Variants in TNFSF4 observed in about 807,000 individuals in gnomAD.
The protein encoded by TNFSF4 is TNF superfamily member 4, also known as tumor necrosis factor ligand superfamily member 4.
TNFSF4 carries 4 observed loss-of-function variants against 7.3 expected under a neutral mutation model. That is an observed-to-expected ratio of 0.55 (90% confidence interval 0.27 to 1.25). The LOEUF (loss-of-function observed/expected upper bound fraction) is 1.25. Among genes scored for constraint, TNFSF4 ranks in the 50% most tolerant of loss-of-function variants. The pLI is 0.12. For missense variants in TNFSF4, 181 were observed against 208.8 expected, an observed-to-expected ratio of 0.87 and a Z score of 0.82; for synonymous variants, 76 against 83.7, an observed-to-expected ratio of 0.91 and a Z score of 0.50.
At chr1:173,431,991 T>G in the TNFSF4 span, among the ~76,000 whole-genome samples, 1 of 152,184 alleles carries the variant, frequency 6.6e-6, no homozygotes, top group African/African-American at 2.4e-5. Flanking sequence ...AGCAATGCCC[T>G]GAGAGGACCT....
the TNFSF4 span, chr1:173,351,917 CA>C: frequency 1.8e-6 from 1 of 542,288 alleles, no homozygotes. Context: ...ACAAAGACCG[CA>C]AAAAGATCCC....
At chr1:173,254,535 G>T in the TNFSF4 span, among the ~76,000 whole-genome samples, 1 of 152,116 alleles carries the variant, frequency 6.6e-6, no homozygotes, top group Non-Finnish European at 1.5e-5. Flanking sequence ...TCACTATGTG[G>T]CGTTTAGCAA....
At chr1:173,406,547 T>G in the TNFSF4 span, among the ~76,000 whole-genome samples, 2 of 152,200 alleles carry the variant, frequency 1.3e-5, no homozygotes, top group Non-Finnish European at 2.9e-5. Flanking sequence ...AAATTAAAAT[T>G]TTTATTTTAC....
At chr1:173,200,300 T>C (rs947925784) in intron 1 of TNFSF4, among the ~76,000 whole-genome samples, 2 of 152,176 alleles carry the variant, frequency 1.3e-5, no homozygotes, top group East Asian at 1.9e-4. Context: ...ATTTCCTCAG[T>C]GTAAAACTGC....
chr1:173,262,825 C>CGA, the TNFSF4 span, among the ~76,000 whole-genome samples: 2 of 152,136 alleles, frequency 1.3e-5, no homozygotes, highest in African/African-American at 4.8e-5. Flanking sequence ...TAGTTTCAAT[C>CGA]TCCTGACCTC....
chr1:173,394,670 C>T, the TNFSF4 span, among the ~76,000 whole-genome samples: 1 of 152,132 alleles, frequency 6.6e-6, no homozygotes, highest in Non-Finnish European at 1.5e-5. Context: ...TGAGCTAGAA[C>T]ATCCGTTTTC....
At chr1:173,269,305 T>G in the TNFSF4 span, among the ~76,000 whole-genome samples, 2 of 152,134 alleles carry the variant, frequency 1.3e-5, no homozygotes, top group Non-Finnish European at 2.9e-5. Context: ...AGATAAACCC[T>G]ATGTATACAA....
intron 1 of TNFSF4, among the ~76,000 whole-genome samples, chr1:173,189,491 TA>T (rs1649382272): frequency 6.6e-6 from 1 of 152,206 alleles, no homozygotes. Flanking sequence ...TCAACAGCTT[TA>T]AAAACCTAAC....
the TNFSF4 span, among the ~76,000 whole-genome samples, chr1:173,274,633 A>G: frequency 6.6e-6 from 1 of 152,206 alleles, no homozygotes; most frequent in African/African-American, 2.4e-5. Flanking sequence ...ACCTAACCAC[A>G]TGAGCCCTTT....
rs1022471857 is a variant in TNFSF4 at position 173,185,841 on chromosome 1, T to C, written c.*675A>G. 2.6e-5 allele frequency: 4 copies of C among 152,186 alleles called. No homozygotes were observed. The highest frequency in any genetic ancestry group is 4.4e-5 in the Non-Finnish European group (3 of 68,060). The allele number at this position is 152,186 out of a possible 1,614,324, so 9.4% of individuals were successfully genotyped here. A position where few individuals can be genotyped will look rare whatever the true frequency, so the allele number is the denominator to read the frequency against. On this transcript the variant is annotated 3_prime_UTR_variant, in exon 3 of 3. Coordinates refer to ENST00000281834, the MANE Select transcript of TNFSF4 (RefSeq NM_003326.5). ...CCAGACAGTTCTTTGAAGGGAAATT[T>C]CTATTAACTATGTTTGGAGGCTGGG...
the TNFSF4 span, among the ~76,000 whole-genome samples, chr1:173,300,126 GATA>G: frequency 6.8e-6 from 1 of 146,970 alleles, no homozygotes; most frequent in Admixed American, 6.9e-5. Flanking sequence ...TAGATAGATA[GATA>G]GATAGATAGA....
At chr1:173,354,720 G>A in the TNFSF4 span, among the ~76,000 whole-genome samples, 3 of 151,866 alleles carry the variant, frequency 2.0e-5, no homozygotes, top group Non-Finnish European at 2.9e-5. Context: ...TTACTGAAAT[G>A]CAAAAAATAA....
At chr1:173,354,109 T>C in the TNFSF4 span, among the ~76,000 whole-genome samples, 1 of 150,710 alleles carries the variant, frequency 6.6e-6, no homozygotes, top group South Asian at 2.1e-4. Context: ...ACTAATAAAG[T>C]AGAAAAGAGA....
the TNFSF4 span, among the ~76,000 whole-genome samples, chr1:173,177,427 C>T: frequency 1.3e-5 from 2 of 152,034 alleles, no homozygotes; most frequent in African/African-American, 4.8e-5. Context: ...AAACAACAGA[C>T]ACCGGGGCCT....
the TNFSF4 span, among the ~76,000 whole-genome samples, chr1:173,308,261 C>CTT: frequency 5.2e-5 from 6 of 115,534 alleles, no homozygotes; most frequent in African/African-American, 2.5e-4. Context: ...CCACTCCTCT[C>CTT]TCTCTTTCTC....
At chr1:173,395,034 AGATG>A in the TNFSF4 span, among the ~76,000 whole-genome samples, 1 of 77,674 alleles carries the variant, frequency 1.3e-5, no homozygotes, top group Non-Finnish European at 2.9e-5. Flanking sequence ...ATAGATAGAT[AGATG>A]ATAGATAGAT....
At chr1:173,370,204 T>C in the TNFSF4 span, among the ~76,000 whole-genome samples, 1 of 152,204 alleles carries the variant, frequency 6.6e-6, no homozygotes, top group African/African-American at 2.4e-5. Flanking sequence ...AAACCTTCAA[T>C]CTCACTTGGA....
chr1:173,292,073 A>G, the TNFSF4 span, among the ~76,000 whole-genome samples: 3 of 152,154 alleles, frequency 2.0e-5, no homozygotes, highest in African/African-American at 7.2e-5. Flanking sequence ...AAGAGCTAGT[A>G]TCAATCCTAC....
chr1:173,316,601 T>C, the TNFSF4 span, among the ~76,000 whole-genome samples: 2 of 152,138 alleles, frequency 1.3e-5, no homozygotes, highest in South Asian at 2.1e-4. Flanking sequence ...TATGCATCAA[T>C]GTTTCTCAAA....
Sources: gnomAD v4.1 joint callset for allele counts (sites outside exome capture counted in the v4.1 genomes callset) on GRCh38, gnomAD v4.1.1 for gene constraint, MANE v1.5 for transcripts, NCBI Gene and HGNC (gene_info 2026-07-23, HGNC 2026-07-21) for gene names.